Variants in CLVS1 observed in about 807,000 individuals in gnomAD.
The protein encoded by CLVS1 is clavesin 1, also known as clavesin-1.
CLVS1 carries 10 observed loss-of-function variants against 33.1 expected under a neutral mutation model. The ratio of observed to expected loss-of-function variants is 0.30; its 90% CI spans 0.19 to 0.51. The LOEUF is 0.51. Among genes scored for constraint, CLVS1 ranks in the 20% least tolerant of loss-of-function variants. The probability of loss-of-function intolerance (pLI) is 0.97; values close to 1 mark genes in which losing one functional copy is unlikely to be tolerated. For missense variants in CLVS1, 343 were observed against 433.4 expected, an observed-to-expected ratio of 0.79 and a Z score of 1.85; for synonymous variants, 163 against 166.1, an observed-to-expected ratio of 0.98 and a Z score of 0.14.
the CLVS1 span, among the ~76,000 whole-genome samples, chr8:61,035,182 T>TTTC: frequency 3.4e-5 from 3 of 88,012 alleles, no homozygotes; most frequent in Non-Finnish European, 5.0e-5. Context: ...TTTCTTTTCT[T>TTTC]TTTTCTTTTT....
chr8:61,034,041 G>T, the CLVS1 span, among the ~76,000 whole-genome samples: 1 of 152,084 alleles, frequency 6.6e-6, no homozygotes, highest in Non-Finnish European at 1.5e-5. Flanking sequence ...GCCAGGACCA[G>T]ATCCATCCAC....
chr8:61,392,540 C>T (rs1175543396), intron 3 of CLVS1, among the ~76,000 whole-genome samples: 1 of 152,116 alleles, frequency 6.6e-6, no homozygotes, highest in Non-Finnish European at 1.5e-5. Context: ...CCTTTTACCT[C>T]TTAAAATCTT....
intron 5 of CLVS1, among the ~76,000 whole-genome samples, chr8:61,494,841 CT>C (rs1173802281): frequency 1.3e-5 from 2 of 152,136 alleles, no homozygotes; most frequent in African/African-American, 2.4e-5. Context: ...TAATGTGCTA[CT>C]TATATCAAAT....
At chr8:61,476,373 TA>T (rs1042727653) in intron 5 of CLVS1, among the ~76,000 whole-genome samples, 2 of 152,226 alleles carry the variant, frequency 1.3e-5, no homozygotes, top group Admixed American at 1.3e-4. Context: ...GTTGAATCTG[TA>T]AATTACCTTG....
At chr8:60,996,008 G>C in the CLVS1 span, among the ~76,000 whole-genome samples, 2 of 152,134 alleles carry the variant, frequency 1.3e-5, no homozygotes, top group South Asian at 4.1e-4. Flanking sequence ...TCTGGGAACT[G>C]TTGTGGAGTG....
chr8:61,342,940 G>A (rs865903988), intron 2 of CLVS1, among the ~76,000 whole-genome samples: 11 of 152,350 alleles, frequency 7.2e-5, no homozygotes, highest in African/African-American at 2.4e-4. Context: ...GTTGGGAGAA[G>A]AATGAAAAGT....
intron 3 of CLVS1, among the ~76,000 whole-genome samples, chr8:61,395,449 C>G (rs1395183036): frequency 6.6e-6 from 1 of 152,086 alleles, no homozygotes. Context: ...TGCTAATAGG[C>G]TTTTAACATT....
intron 2 of CLVS1, among the ~76,000 whole-genome samples, chr8:61,200,716 T>C (rs1807710179): frequency 6.6e-6 from 1 of 152,226 alleles, no homozygotes; most frequent in Admixed American, 6.5e-5. Context: ...ATGTGAGATA[T>C]CATTTGTGCC....
At chr8:61,124,685 A>G (rs1362529815) in intron 1 of CLVS1, among the ~76,000 whole-genome samples, 2 of 152,124 alleles carry the variant, frequency 1.3e-5, no homozygotes, top group African/African-American at 4.8e-5. Context: ...CATCTGGGAG[A>G]TGGCAGTGCA....
At chr8:61,144,069 A>G (rs576961372) in intron 2 of CLVS1, among the ~76,000 whole-genome samples, 8 of 151,650 alleles carry the variant, frequency 5.3e-5, no homozygotes, top group African/African-American at 7.3e-5. Context: ...ATATATATAT[A>G]CTTTAAGTTC....
intron 1 of CLVS1, among the ~76,000 whole-genome samples, chr8:61,058,082 T>G (rs755943328): frequency 1.2e-4 from 18 of 152,212 alleles, no homozygotes; most frequent in Admixed American, 3.9e-4. Flanking sequence ...TAGCTAGACA[T>G]ATAGTATATG....
At chr8:61,152,917 G>A (rs1364222073) in intron 2 of CLVS1, among the ~76,000 whole-genome samples, 5 of 152,130 alleles carry the variant, frequency 3.3e-5, no homozygotes, top group Admixed American at 2.6e-4. Flanking sequence ...CCTCACACCT[G>A]TAATCCAAAC....
At chr8:61,317,333 A>G (rs566452792) in intron 2 of CLVS1, among the ~76,000 whole-genome samples, 9 of 152,268 alleles carry the variant, frequency 5.9e-5, no homozygotes, top group African/African-American at 1.7e-4. Context: ...CCACTTTTAC[A>G]ATGACCTTAC....
chr8:61,442,269 T>C (rs1428508295), intron 3 of CLVS1, among the ~76,000 whole-genome samples: 2 of 152,350 alleles, frequency 1.3e-5, no homozygotes, highest in East Asian at 3.9e-4. Flanking sequence ...GTTGTAGATA[T>C]CGACAGTTTG....
intron 2 of CLVS1, among the ~76,000 whole-genome samples, chr8:61,360,905 T>TA (rs1004316897): frequency 9.2e-5 from 14 of 151,918 alleles, no homozygotes; most frequent in African/African-American, 2.4e-4. Context: ...ATAATTTATT[T>TA]AAAAAAAAGG....
chr8:61,002,327 G>GTTTT, the CLVS1 span, among the ~76,000 whole-genome samples: 21 of 98,770 alleles, frequency 2.1e-4, no homozygotes, highest in Non-Finnish European at 2.7e-4. Context: ...ATGCTTGCTT[G>GTTTT]TTTTTTTTTT....
At chr8:61,034,922 G>T in the CLVS1 span, among the ~76,000 whole-genome samples, 1 of 152,106 alleles carries the variant, frequency 6.6e-6, no homozygotes, top group Non-Finnish European at 1.5e-5. Context: ...CATAGATACA[G>T]TCTCCTTTCT....
intron 1 of CLVS1, among the ~76,000 whole-genome samples, chr8:61,074,859 TG>T (rs1804880546): frequency 6.6e-6 from 1 of 152,086 alleles, no homozygotes; most frequent in Non-Finnish European, 1.5e-5. Flanking sequence ...TACATACCCT[TG>T]GAATTAACAG....
intron 1 of CLVS1, among the ~76,000 whole-genome samples, chr8:61,110,947 T>C (rs1805614369): frequency 6.6e-6 from 1 of 152,226 alleles, no homozygotes; most frequent in East Asian, 1.9e-4. Flanking sequence ...TGGTGATGGA[T>C]ATTTGGGTTG....
Sources: gnomAD v4.1 joint callset for allele counts (sites outside exome capture counted in the v4.1 genomes callset) on GRCh38, gnomAD v4.1.1 for gene constraint, MANE v1.5 for transcripts, NCBI Gene and HGNC (gene_info 2026-07-23, HGNC 2026-07-21) for gene names.